The following SOS1 variants were observed in gnomAD, a reference collection of about 807,000 sequenced individuals.
SOS1 encodes son of sevenless homolog 1.
In SOS1, 25 loss-of-function variants were observed where a neutral mutation model predicts 157.6. The observed-to-expected ratio is 0.16, with a 90% CI of 0.12 to 0.22. The LOEUF (loss-of-function observed/expected upper bound fraction) is 0.22. SOS1 is among the 10% of genes least tolerant of loss of function. SOS1 has a pLI of 1.00. For synonymous variants in SOS1, 528 were observed against 534.0 expected (o/e 0.99, Z 0.16); for missense variants, 1,237 against 1,599.1 (o/e 0.77, Z 3.86).
At position 39,013,487 on chromosome 2, in the gene SOS1, T is replaced by C. The variant is rs767671260; in HGVS notation, c.2140A>G (p.Met714Val). The change falls in exon 13 of 23, where the codon ATG becomes GTG. Residue 714 changes from methionine (M) to valine (V), a missense_variant. Around this residue, in one of 15 missense-constraint regions of SOS1, gnomAD observed 42 missense variants for 80.4 expected, o/e 0.52. Transcript: ENST00000402219. ...FERDAYLLQR[M>V]EEFIGTVRGK... is the part of the protein sequence containing the mutation. ...CTTACTGTTCCAATAAATTCTTCCATTCGTTGCAAAAGATATGCATCTCTT... is the reference window on the plus strand; with the variant it reads ...CTTACTGTTCCAATAAATTCTTCCACTCGTTGCAAAAGATATGCATCTCTT... 3 of 1,611,718 alleles carry C rather than the reference T, an allele frequency of 1.9e-6. No homozygotes were observed. The highest frequency in any genetic ancestry group is 2.5e-6 in the Non-Finnish European group (3 of 1,178,150).
At chr2:39,053,451 T>A (rs749786582) in intron 5 of SOS1, among the ~76,000 whole-genome samples, 1 of 152,348 alleles carries the variant, frequency 6.6e-6, no homozygotes, top group South Asian at 2.1e-4. Flanking sequence ...TTACTTTTTT[T>A]AAAGCAACCT....
chr2:39,030,049 A>G (rs923476368), intron 8 of SOS1, among the ~76,000 whole-genome samples: 10 of 151,934 alleles, frequency 6.6e-5, no homozygotes, highest in African/African-American at 2.4e-4. Flanking sequence ...GCATGTGCCT[A>G]CGGTCCTAGC....
At chr2:39,101,353 T>C (rs1318739717) in intron 1 of SOS1, among the ~76,000 whole-genome samples, 2 of 152,044 alleles carry the variant, frequency 1.3e-5, no homozygotes, top group Admixed American at 6.6e-5. Flanking sequence ...AGACGTGAGA[T>C]TGGAGGTGGA....
At chr2:39,014,100 A>G in intron 11 of SOS1, 111 bp from the exon 12 acceptor site, 1 of 733,720 alleles carries the variant, frequency 1.4e-6, no homozygotes, top group Non-Finnish European at 2.3e-6. Context: ...ACTGTAAAAA[A>G]TTACTGAAGA....
At chr2:39,052,327 T>A (rs1671046271) in intron 5 of SOS1, among the ~76,000 whole-genome samples, 1 of 152,188 alleles carries the variant, frequency 6.6e-6, no homozygotes, top group Non-Finnish European at 1.5e-5. Context: ...TGAGGCATAG[T>A]TTATATACGA....
At chr2:39,106,604 A>AC (rs1410323450) in intron 1 of SOS1, among the ~76,000 whole-genome samples, 20 of 148,930 alleles carry the variant, frequency 1.3e-4, no homozygotes, top group South Asian at 4.3e-4. Flanking sequence ...AAAAAAAACA[A>AC]AAAAAAAAAC....
At chr2:39,014,482 G>C (rs1223174973) in intron 11 of SOS1, among the ~76,000 whole-genome samples, 1 of 152,002 alleles carries the variant, frequency 6.6e-6, no homozygotes, top group Non-Finnish European at 1.5e-5. Context: ...TAACTCATCA[G>C]AATTTGAATT....
rs1055026723 is a variant in SOS1, at chr2:38,984,591, T to G, written c.*1233A>C. ...GTGACTTTAGATCATTCTTTAAGATTAATACATATATCCAGAACTAGAAAC... is the reference window on the plus strand; with the variant it reads ...GTGACTTTAGATCATTCTTTAAGATGAATACATATATCCAGAACTAGAAAC... On this transcript the variant is annotated 3_prime_UTR_variant, in exon 23 of 23. Coordinates refer to ENST00000402219, the MANE Select transcript of SOS1 (RefSeq NM_005633.4). The G allele has an allele frequency of 1.3e-5, 2 of 152,198 alleles. No individual in the cohort carries two copies. The highest frequency in any genetic ancestry group is 6.5e-5 in the Admixed American group (1 of 15,274). The allele number at this position is 152,198 out of a possible 1,614,324, so 9.4% of individuals were successfully genotyped here.
intron 17 of SOS1, among the ~76,000 whole-genome samples, chr2:39,002,537 A>C (rs554401831): frequency 6.6e-6 from 1 of 152,280 alleles, no homozygotes; most frequent in South Asian, 2.1e-4. Flanking sequence ...ACTATAAGCT[A>C]GGTGAGCAGA....
chr2:39,106,184 T>TACAC lies in SOS1; in HGVS notation c.87+14148_87+14151dup, dbSNP rs35147616. ...GCAGTGAGCTGAGACTGTGCTACTG[T>TACAC]ACACACACACACACACACACACACA... On this transcript the variant is annotated intron_variant, in intron 1 of 22. Transcript: ENST00000402219. Among the ~76,000 whole-genome samples the TACAC allele has an allele frequency of 2.6e-3, 381 of 148,214 alleles. 1 individual carries two copies. The highest frequency in any genetic ancestry group is 7.7e-3 in the African/African-American group (311 of 40,138).
chr2:39,104,153 G>A (rs1673078025), intron 1 of SOS1, among the ~76,000 whole-genome samples: 1 of 152,060 alleles, frequency 6.6e-6, no homozygotes, highest in Non-Finnish European at 1.5e-5. Flanking sequence ...ATGGTGGTAG[G>A]TGCCTGTAAT....
intron 20 of SOS1, among the ~76,000 whole-genome samples, chr2:38,990,170 GTT>G (rs57752950): frequency 5.2e-5 from 7 of 135,178 alleles, no homozygotes; most frequent in Admixed American, 2.2e-4. Context: ...TTCAGATTTC[GTT>G]TTTTTTTTTT....
rs145393816 is a variant in SOS1 at position 39,109,063 on chromosome 2, G to T, written c.87+11273C>A. Among the ~76,000 whole-genome samples the T allele has an allele frequency of 1.1e-3, 174 of 152,210 alleles. 1 individual carries two copies. The highest frequency in any genetic ancestry group is 2.1e-3 in the Non-Finnish European group (141 of 68,004). On this transcript the variant is annotated intron_variant, in intron 1 of 22. Transcript: ENST00000402219. ...AAAATACAAAAATTAGCTGGGTGTG[G>T]TGGCATGTGTCTGCTGTCCTACCTA...
chr2:39,012,015 G>A (rs1669488500), intron 14 of SOS1, 111 bp downstream of exon 14: 1 of 818,238 alleles, frequency 1.2e-6, no homozygotes, highest in South Asian at 1.4e-5. Context: ...GACACTTCAT[G>A]TAATATTTCA....
At chr2:39,089,303 G>A (rs1162872224) in intron 1 of SOS1, among the ~76,000 whole-genome samples, 1 of 152,120 alleles carries the variant, frequency 6.6e-6, no homozygotes. Flanking sequence ...GCCAACATGG[G>A]CAGATCACCT....
In SOS1 at chr2:39,023,139, T is replaced by G; in HGVS notation, c.1289A>C (p.Asp430Ala). The change falls in exon 10 of 23, where the codon GAT (aspartate) becomes GCT (alanine). Residue 430 changes from aspartate (D) to alanine (A), a missense_variant. This residue lies in a region of SOS1 where 210 missense variants were observed against 220.2 expected (regional missense o/e 0.95). Transcript: ENST00000402219. ...TCCAATGTCTTTTCCCTCCCAACCA[T>G]CAATATTCTTCTGAATCTCGTTCAT... ...KKMNEIQKNI[D>A]GWEGKDIGQC... The G allele has an allele frequency of 6.2e-7, 1 of 1,613,202 alleles. No individual in the cohort carries two copies. Among genetic ancestry groups the G allele is most frequent in the Non-Finnish European group, 8.5e-7 (1 of 1,179,400 alleles).
At chr2:39,036,442 CT>C (rs1408483630) in intron 6 of SOS1, among the ~76,000 whole-genome samples, 2 of 152,184 alleles carry the variant, frequency 1.3e-5, no homozygotes, top group African/African-American at 4.8e-5. Context: ...CCTCTGCCCC[CT>C]GGGCTCAAAC....
intron 17 of SOS1, among the ~76,000 whole-genome samples, chr2:39,004,312 G>A (rs1433620877): frequency 6.6e-6 from 1 of 151,320 alleles, no homozygotes; most frequent in Non-Finnish European, 1.5e-5. Flanking sequence ...CCAGCTACTT[G>A]GGAGGCTGAG....
intron 1 of SOS1, among the ~76,000 whole-genome samples, chr2:39,116,280 A>T (rs1673647209): frequency 6.6e-6 from 1 of 152,218 alleles, no homozygotes; most frequent in African/African-American, 2.4e-5. Context: ...CTGACTAAAG[A>T]CAATCAAGTC....
Sources: allele counts gnomAD v4.1 joint callset (sites outside exome capture counted in the v4.1 genomes callset), GRCh38; gene constraint gnomAD v4.1.1; regional missense constraint gnomAD v4.1.1; transcripts MANE v1.5; gene names NCBI Gene and HGNC (gene_info 2026-07-23, HGNC 2026-07-21).